The following ANKRD50 variants were observed in gnomAD, a reference collection of about 807,000 sequenced individuals.
ANKRD50 encodes ankyrin repeat domain 50, also known as ankyrin repeat domain-containing protein 50.
A neutral mutation model predicts 112.0 loss-of-function variants in ANKRD50; 40 were observed. The observed-to-expected ratio is 0.36, with a 90% confidence interval of 0.28 to 0.46. ANKRD50 has a LOEUF of 0.46. Ranked by LOEUF, ANKRD50 falls within the 20% of genes least tolerant of loss-of-function variation. The probability of loss-of-function intolerance (pLI) is 1.00; values close to 1 mark genes in which losing one functional copy is unlikely to be tolerated. For missense variants in ANKRD50, 1,487 were observed against 1,701.7 expected (o/e 0.87, Z 2.22); for synonymous variants, 613 against 619.1 (o/e 0.99, Z 0.15).
intron 2 of ANKRD50, among the ~76,000 whole-genome samples, chr4:124,687,246 A>G (rs1725026634): frequency 6.6e-6 from 1 of 152,176 alleles, no homozygotes; most frequent in Non-Finnish European, 1.5e-5. Context: ...CAATTGAGAA[A>G]GGCAGGTTTT....
At chr4:124,679,456 A>G (rs545801294) in intron 2 of ANKRD50, among the ~76,000 whole-genome samples, 6 of 152,352 alleles carry the variant, frequency 3.9e-5, no homozygotes, top group East Asian at 1.9e-4. Context: ...CCCATTTGAC[A>G]TATTTTCAAA....
chr4:124,684,807 A>G (rs1724971374), intron 2 of ANKRD50, among the ~76,000 whole-genome samples: 1 of 152,174 alleles, frequency 6.6e-6, no homozygotes. Context: ...GTCATGTAAA[A>G]AGTAGATAGG....
chr4:124,709,279 C>A (rs1276427702), intron 2 of ANKRD50, among the ~76,000 whole-genome samples: 2 of 151,998 alleles, frequency 1.3e-5, no homozygotes, highest in Non-Finnish European at 2.9e-5. Flanking sequence ...ATTATATTTT[C>A]TTGAACAGAT....
chr4:124,711,210 A>T lies in ANKRD50; in HGVS notation c.-699T>A, dbSNP rs150270704. The T allele has an allele frequency of 9.4e-4, 145 of 154,704 alleles. No individual in the cohort carries two copies. The East Asian group carries it at 0.01, about 11-fold the overall frequency. The allele number at this position is 154,704 out of a possible 1,614,324, so 9.6% of individuals were successfully genotyped here. A position where few individuals can be genotyped will look rare whatever the true frequency, so the allele number is the denominator to read the frequency against. ...GCATTTTTCAAGACAGCAGATTCTT[A>T]ATGAACCTGTTCACAGGTTTCTTGG... On this transcript the variant is annotated 5_prime_UTR_variant, in exon 2 of 5. Coordinates refer to ENST00000504087, the MANE Select transcript of ANKRD50 (RefSeq NM_020337.3).
rs547546925 is a variant in ANKRD50 at position 124,672,367 on chromosome 4, G to T, written c.910C>A (p.Leu304Ile). The change falls in exon 4 of 5, where the codon CTT becomes ATT. Residue 304 changes from leucine (L) to isoleucine (I), a missense_variant. Physicochemically the swap from Leu to Ile is conservative, Grantham distance 5. Transcript: ENST00000504087. The stretch of plus-strand genomic sequence containing the variant: ...CCATCTAAAACTCGTTCTAGGTAAA[G>T]AAAGCATCCACTGCTTTTAATGTGC... ...QLHIKSSGCFLYLERVLDGVV... is the reference protein window; with the variant it reads ...QLHIKSSGCFIYLERVLDGVV... 6.2e-7 allele frequency: 1 copy of T among 1,613,218 alleles called. No homozygotes were observed. The highest frequency in any genetic ancestry group is 1.1e-5 in the South Asian group (1 of 90,934).
rs574594033 is a variant in ANKRD50, at chr4:124,671,759, A to G, written c.1518T>C (p.His506=). Residue 506 remains histidine, a synonymous_variant, in exon 4 of 5, where the codon CAT becomes CAC. Coordinates refer to ENST00000504087, the MANE Select transcript of ANKRD50 (RefSeq NM_020337.3). The part of the protein sequence containing the change: ...VLQLLVKAGA[H]VNSEDDRTSC... ...ATGTGCGATCGTCTTCACTGTTGAC[A>G]TGAGCCCCAGCTTTAACCAACAGCT... The G allele has an allele frequency of 6.1e-5, 99 of 1,613,916 alleles. No individual in the cohort carries two copies. The South Asian group carries it at 1.0e-3, about 17-fold the overall frequency.
At chr4:124,699,404 T>C (rs1431706804) in intron 2 of ANKRD50, among the ~76,000 whole-genome samples, 1 of 152,182 alleles carries the variant, frequency 6.6e-6, no homozygotes, top group African/African-American at 2.4e-5. Flanking sequence ...TCTGGGGCCA[T>C]TAATTTTTCC....
intron 2 of ANKRD50, among the ~76,000 whole-genome samples, chr4:124,690,383 CAT>C (rs1165062135): frequency 6.6e-6 from 1 of 152,162 alleles, no homozygotes; most frequent in Non-Finnish European, 1.5e-5. Context: ...GATTAAGCTG[CAT>C]TATATAAATT....
In ANKRD50 at chr4:124,670,154, T is replaced by C. The variant is rs746657581; in HGVS notation, c.3123A>G (p.Thr1041=). The C allele has an allele frequency of 1.4e-5, 22 of 1,611,934 alleles. No individual in the cohort carries two copies. The highest frequency in any genetic ancestry group is 1.7e-5 in the Non-Finnish European group (20 of 1,179,420). Residue 1041 remains threonine, a synonymous_variant, in exon 4 of 5, where the codon ACA becomes ACG. Coordinates refer to ENST00000504087, the MANE Select transcript of ANKRD50 (RefSeq NM_020337.3). ...AGAGTGCAGTTGCACCTTGGTTACATGTATGGTCAACTACAGCACCATGCT... is the reference window on the plus strand; with the variant it reads ...AGAGTGCAGTTGCACCTTGGTTACACGTATGGTCAACTACAGCACCATGCT... The part of the protein sequence containing the change: ...LIEHGAVVDH[T]CNQGATALCI...
At chr4:124,684,556 A>G (rs759209799) in intron 2 of ANKRD50, among the ~76,000 whole-genome samples, 10 of 152,196 alleles carry the variant, frequency 6.6e-5, no homozygotes, top group Non-Finnish European at 1.3e-4. Context: ...AACTGCTACC[A>G]TAAGTCTATA....
At chr4:124,668,952 G>GA in intron 4 of ANKRD50, 32 bp downstream of exon 4, 4 of 1,569,730 alleles carry the variant, frequency 2.5e-6, no homozygotes, top group Non-Finnish European at 3.4e-6. Context: ...CTCTACTTTT[G>GA]TTTTTTACTC....
chr4:124,706,974 T>C (rs567006808), intron 2 of ANKRD50, among the ~76,000 whole-genome samples: 1 of 152,168 alleles, frequency 6.6e-6, no homozygotes, highest in South Asian at 2.1e-4. Flanking sequence ...TAAATACATA[T>C]TGCTTTCTCA....
intron 2 of ANKRD50, among the ~76,000 whole-genome samples, chr4:124,691,035 C>T (rs1725123817): frequency 6.6e-6 from 1 of 151,942 alleles, no homozygotes; most frequent in Non-Finnish European, 1.5e-5. Flanking sequence ...TCAGGAGGAA[C>T]AATCAAATAG....
chr4:124,698,971 A>G (rs1005727909), intron 2 of ANKRD50, among the ~76,000 whole-genome samples: 1 of 152,178 alleles, frequency 6.6e-6, no homozygotes, highest in Admixed American at 6.5e-5. Flanking sequence ...TTATTGTAAA[A>G]AACAATTGTC....
At chr4:124,690,539 T>C (rs908143465) in intron 2 of ANKRD50, among the ~76,000 whole-genome samples, 7 of 152,174 alleles carry the variant, frequency 4.6e-5, no homozygotes, top group African/African-American at 1.7e-4. Context: ...ATATTGGTAA[T>C]TAAAACTAGG....
At chr4:124,707,328 CTTAT>C (rs768548308) in intron 2 of ANKRD50, among the ~76,000 whole-genome samples, 19 of 151,920 alleles carry the variant, frequency 1.3e-4, no homozygotes, top group Non-Finnish European at 2.2e-4. Context: ...CTCTAAAGGA[CTTAT>C]TTAAGAAATC....
chr4:124,684,886 TTC>T (rs2110516142), intron 2 of ANKRD50, among the ~76,000 whole-genome samples: 1 of 152,264 alleles, frequency 6.6e-6, no homozygotes, highest in Admixed American at 6.5e-5. Context: ...CCAAGCTTTT[TTC>T]TTTTTCCCCC....
chr4:124,704,710 C>CA (rs1725465509), intron 2 of ANKRD50, among the ~76,000 whole-genome samples: 1 of 152,004 alleles, frequency 6.6e-6, no homozygotes, highest in Non-Finnish European at 1.5e-5. Flanking sequence ...TACAAAGCAC[C>CA]ATGGTAAATA....
chr4:124,695,824 T>C (rs1725240320), intron 2 of ANKRD50, among the ~76,000 whole-genome samples: 2 of 152,158 alleles, frequency 1.3e-5, no homozygotes, highest in Admixed American at 6.5e-5. Context: ...AGGGTCTTAG[T>C]AATATTATAA....
Sources: gnomAD v4.1 joint callset for allele counts (sites outside exome capture counted in the v4.1 genomes callset) on GRCh38, gnomAD v4.1.1 for gene constraint, MANE v1.5 for transcripts, NCBI Gene and HGNC (gene_info 2026-07-23, HGNC 2026-07-21) for gene names.